TRIM9: variants seen among roughly 807,000 people sequenced by gnomAD.
TRIM9 encodes E3 ubiquitin-protein ligase TRIM9.
A neutral mutation model predicts 78.3 loss-of-function variants in TRIM9; 26 were observed. The observed-to-expected ratio is 0.33, with a 90% CI of 0.24 to 0.46. The LOEUF (loss-of-function observed/expected upper bound fraction) is 0.46, where lower values mean the gene tolerates loss of function less well. Ranked by LOEUF, TRIM9 falls within the 20% of genes least tolerant of loss-of-function variation. The pLI, the probability that TRIM9 is intolerant of heterozygous loss-of-function variation, is 1.00. For synonymous variants in TRIM9, 398 were observed against 416.5 expected (o/e 0.96, Z 0.54); for missense variants, 787 against 1,036.4 (o/e 0.76, Z 3.30).
intron 11 of TRIM9, among the ~76,000 whole-genome samples, chr14:50,979,933 C>T (rs992449224): frequency 2.6e-5 from 4 of 152,272 alleles, no homozygotes; most frequent in South Asian, 2.1e-4. Context: ...AGGAAAAAGT[C>T]GCCTTTGGGC....
intron 2 of TRIM9, among the ~76,000 whole-genome samples, chr14:51,024,558 T>C (rs1310438572): frequency 6.6e-6 from 1 of 152,222 alleles, no homozygotes; most frequent in African/African-American, 2.4e-5. Context: ...AGAAGGTCAT[T>C]ATTTTACTGT....
In TRIM9 at chr14:51,048,508, G is replaced by T. The variant is rs141586530; in HGVS notation, c.823-23148C>A. On this transcript the variant is annotated intron_variant, in intron 1 of 12. Coordinates refer to ENST00000684578, the MANE Select transcript of TRIM9 (RefSeq NM_001387360.1). ...TGAGTGTGTCCTAGTGAAAGTCATT[G>T]GTTAATTACTAGTGACATAAAGGCC... 5.1e-3 allele frequency among the ~76,000 whole-genome samples: 783 copies of T among 152,294 alleles called. 9 individuals are homozygous for T. The highest frequency in any genetic ancestry group is 0.018 in the African/African-American group (755 of 41,554).
intron 1 of TRIM9, among the ~76,000 whole-genome samples, chr14:51,037,942 C>A (rs2059290899): frequency 6.6e-6 from 1 of 152,182 alleles, no homozygotes; most frequent in Admixed American, 6.5e-5. Flanking sequence ...AGCAGCAACA[C>A]TGAGAGTCAG....
At chr14:50,983,035 G>A in intron 9 of TRIM9, 70 bp from the exon 10 acceptor site, 4 of 1,446,892 alleles carry the variant, frequency 2.8e-6, no homozygotes, top group Non-Finnish European at 3.8e-6. Flanking sequence ...ATAAGAAAAT[G>A]TGTCTCTCTT....
chr14:51,020,123 T>C (rs570087902), intron 3 of TRIM9, among the ~76,000 whole-genome samples: 70 of 152,220 alleles, frequency 4.6e-4, no homozygotes, highest in Non-Finnish European at 7.8e-4. Context: ...AACATAAGAT[T>C]ACCCCTGCAG....
intron 3 of TRIM9, among the ~76,000 whole-genome samples, chr14:51,021,246 G>T (rs2057734722): frequency 6.6e-6 from 1 of 152,182 alleles, no homozygotes. Context: ...GATGGAACAA[G>T]ACCACAGTGC....
At chr14:51,071,387 G>GAAAAAAAAAAA (rs56726763) in intron 1 of TRIM9, among the ~76,000 whole-genome samples, 1 of 115,874 alleles carries the variant, frequency 8.6e-6, no homozygotes, top group African/African-American at 3.2e-5. Context: ...AAAAAAAAAA[G>GAAAAAAAAAAA]AAAAAAAAAA....
rs17123361 is a variant in TRIM9 at position 50,992,885 on chromosome 14, A to G, written c.1603+5165T>C. On this transcript the variant is annotated intron_variant, in intron 7 of 12. Transcript: ENST00000684578. Reference sequence around the variant, plus strand: ...GATGTAGTTTCAAGAATCCCAACCTATTTGTCATTAGATAAAACAATCCTG... The same window carrying G: ...GATGTAGTTTCAAGAATCCCAACCTGTTTGTCATTAGATAAAACAATCCTG... Among the ~76,000 whole-genome samples, 487 of 152,268 alleles carry G rather than the reference A, an allele frequency of 3.2e-3. 3 individuals are homozygous for G. The highest frequency in any genetic ancestry group is 0.011 in the African/African-American group (456 of 41,546).
At chr14:51,058,764 G>A (rs937439486) in intron 1 of TRIM9, among the ~76,000 whole-genome samples, 4 of 152,232 alleles carry the variant, frequency 2.6e-5, no homozygotes, top group African/African-American at 9.6e-5. Flanking sequence ...TACATATGGT[G>A]TGACTCACTA....
At chr14:51,018,710 G>C (rs2057462446) in intron 3 of TRIM9, among the ~76,000 whole-genome samples, 1 of 152,158 alleles carries the variant, frequency 6.6e-6, no homozygotes, top group Non-Finnish European at 1.5e-5. Context: ...AACATGGTAA[G>C]CTTTCTCATC....
chr14:51,078,476 T>A (rs969968232), intron 1 of TRIM9, among the ~76,000 whole-genome samples: 5 of 152,142 alleles, frequency 3.3e-5, no homozygotes, highest in Non-Finnish European at 7.3e-5. Flanking sequence ...AAATATGGTA[T>A]GTATACATAT....
intron 6 of TRIM9, among the ~76,000 whole-genome samples, chr14:50,998,926 A>C (rs2054582641): frequency 6.6e-6 from 1 of 152,080 alleles, no homozygotes; most frequent in Non-Finnish European, 1.5e-5. Flanking sequence ...TAATATGACA[A>C]CTCTCTGGTA....
chr14:51,083,321 G>A (rs2063473154), intron 1 of TRIM9, among the ~76,000 whole-genome samples: 1 of 152,084 alleles, frequency 6.6e-6, no homozygotes, highest in African/African-American at 2.4e-5. Context: ...GTGTAATCAT[G>A]GCTCACTGTA....
At chr14:51,051,254 A>C (rs556774157) in intron 1 of TRIM9, among the ~76,000 whole-genome samples, 9 of 152,328 alleles carry the variant, frequency 5.9e-5, no homozygotes, top group Admixed American at 5.2e-4. Flanking sequence ...TTTGCAAGAA[A>C]GGAAGAGAAC....
intron 3 of TRIM9, among the ~76,000 whole-genome samples, chr14:51,014,408 A>G (rs1329710984): frequency 6.6e-6 from 1 of 152,138 alleles, no homozygotes; most frequent in Non-Finnish European, 1.5e-5. Flanking sequence ...CCTGGCTCTC[A>G]ATCCCTCACT....
At chr14:50,990,801 A>T (rs1251103718) in intron 7 of TRIM9, among the ~76,000 whole-genome samples, 1 of 152,224 alleles carries the variant, frequency 6.6e-6, no homozygotes, top group Non-Finnish European at 1.5e-5. Context: ...AGAATTGTAC[A>T]GTGTTAAAGA....
intron 12 of TRIM9, among the ~76,000 whole-genome samples, chr14:50,977,823 G>A (rs145938086): frequency 6.0e-4 from 92 of 152,262 alleles, no homozygotes; most frequent in Non-Finnish European, 1.1e-3. Context: ...AAAAAACATG[G>A]CATTATACTA....
chr14:51,020,931 T>G (rs2057700090), intron 3 of TRIM9, among the ~76,000 whole-genome samples: 1 of 152,206 alleles, frequency 6.6e-6, no homozygotes, highest in Non-Finnish European at 1.5e-5. Flanking sequence ...TGCCAGGAAG[T>G]GTTCGCAATG....
chr14:50,979,848 G>A (rs907011184), intron 11 of TRIM9, among the ~76,000 whole-genome samples: 4 of 152,170 alleles, frequency 2.6e-5, no homozygotes, highest in Admixed American at 1.3e-4. Context: ...TTGCTCTGCT[G>A]TTGCTGAGAG....
Sources: gnomAD v4.1 joint callset for allele counts (sites outside exome capture counted in the v4.1 genomes callset) on GRCh38, gnomAD v4.1.1 for gene constraint, MANE v1.5 for transcripts, NCBI Gene and HGNC (gene_info 2026-07-23, HGNC 2026-07-21) for gene names.